VPS13D: variants seen among roughly 807,000 people sequenced by gnomAD.
The protein encoded by VPS13D is vacuolar protein sorting 13 homolog D.
VPS13D carries 187 observed loss-of-function variants against 461.9 expected under a neutral mutation model. The observed-to-expected ratio is 0.40, with a 90% CI of 0.36 to 0.46. The LOEUF is 0.46. VPS13D is among the 20% of genes least tolerant of loss of function. VPS13D has a pLI of 0.60. For synonymous variants in VPS13D, 1,951 were observed against 1,986.3 expected, an observed-to-expected ratio of 0.98 and a Z score of 0.47; for missense variants, 4,711 against 5,364.9, an observed-to-expected ratio of 0.88 and a Z score of 3.81.
intron 9 of VPS13D, 39 bp from the exon 10 acceptor site, chr1:12,257,896 T>G: frequency 6.2e-7 from 1 of 1,609,082 alleles, no homozygotes. Flanking sequence ...TCGTTGCTTT[T>G]GTTGTAAGAA....
chr1:12,343,148 T>G (rs957872822), intron 42 of VPS13D, 97 bp downstream of exon 42: 8 of 908,932 alleles, frequency 8.8e-6, no homozygotes, highest in Non-Finnish European at 1.5e-6. Flanking sequence ...TAAATGATTT[T>G]ATTTTATTTT....
Position 12,369,595 on chromosome 1 carries a change from AG to A in VPS13D, c.10705del (p.Ala3569GlnfsTer10). 6.2e-7 allele frequency: 1 copy of A among 1,614,198 alleles called. No individual in the cohort carries two copies. The highest frequency in any genetic ancestry group is 8.5e-7 in the Non-Finnish European group (1 of 1,180,036). ...CACCTTTTATCACTCTGACTGTTAA[AG>A]GGGCAGGGTCCTCTGAGATCAACTG... ...LPPFITLTVK[G>X]AGSSEINCNM... On this transcript the variant is annotated frameshift_variant, in exon 54 of 70. Transcript: ENST00000620676. LOFTEE classifies it high-confidence loss of function.
At chr1:12,403,396 A>G (rs1422958619) in intron 62 of VPS13D, among the ~76,000 whole-genome samples, 3 of 152,238 alleles carry the variant, frequency 2.0e-5, no homozygotes, top group Admixed American at 2.0e-4. Context: ...TTTCACTCAG[A>G]TTCGTGAATT....
intron 13 of VPS13D, among the ~76,000 whole-genome samples, chr1:12,265,236 C>A (rs1027057981): frequency 3.3e-5 from 5 of 152,196 alleles, no homozygotes; most frequent in Admixed American, 3.3e-4. Flanking sequence ...CCTGCTAACA[C>A]AACATCCATT....
chr1:12,459,830 A>T (rs1216865777), intron 66 of VPS13D, among the ~76,000 whole-genome samples: 1 of 151,478 alleles, frequency 6.6e-6, no homozygotes, highest in Admixed American at 6.6e-5. Flanking sequence ...CCGAAGGCCC[A>T]ATTTTCTAGT....
chr1:12,447,750 A>G (rs1290358545), intron 65 of VPS13D, among the ~76,000 whole-genome samples: 1 of 152,242 alleles, frequency 6.6e-6, no homozygotes, highest in Non-Finnish European at 1.5e-5. Context: ...AAGTGAATAT[A>G]TTTATTCATT....
chr1:12,487,054 T>C (rs925838240), intron 67 of VPS13D, among the ~76,000 whole-genome samples: 1 of 152,114 alleles, frequency 6.6e-6, no homozygotes, highest in Non-Finnish European at 1.5e-5. Context: ...CCTGAGACCC[T>C]CCCAAGAGCC....
chr1:12,358,258 G>A (rs982010725), intron 49 of VPS13D, among the ~76,000 whole-genome samples: 18 of 152,152 alleles, frequency 1.2e-4, no homozygotes, highest in African/African-American at 4.1e-4. Flanking sequence ...ACACACTGTT[G>A]TACTGTGGCT....
chr1:12,346,944 G>T lies in VPS13D; in HGVS notation c.9069+292G>T, dbSNP rs973550453. On this transcript the variant is annotated intron_variant, in intron 44 of 69. Transcript: ENST00000620676. ...TAAGTTAAAATAGAAATGAACCCTG[G>T]TATGACCATATGTGTTTCATAGTTT... Among the ~76,000 whole-genome samples the T allele has an allele frequency of 2.6e-5, 4 of 152,182 alleles. No homozygotes were observed. The South Asian group carries it at 8.3e-4, about 32-fold the overall frequency.
intron 65 of VPS13D, among the ~76,000 whole-genome samples, chr1:12,443,338 A>G (rs1645152716): frequency 6.6e-6 from 1 of 152,248 alleles, no homozygotes; most frequent in South Asian, 2.1e-4. Context: ...GCTGTATAGT[A>G]TTCCATTGCA....
chr1:12,258,000 G>C lies in VPS13D; in HGVS notation c.1007G>C (p.Arg336Pro). ...NLYEIREQRK[R>P]CTWDFMLHRA... is the part of the protein sequence containing the mutation. ...TATGAGATCAGAGAGCAGAGGAAAC[G>C]TTGCACCTGGGACTTTATGTTGCAC... The change falls in exon 10 of 70, where the codon CGT (arginine) becomes CCT (proline). Residue 336 changes from arginine (R) to proline (P), a missense_variant. This residue lies in a region of VPS13D where 4,411 missense variants were observed against 4,937.8 expected (regional missense o/e 0.89). Transcript: ENST00000620676. 6.2e-7 allele frequency: 1 copy of C among 1,614,202 alleles called. No individual in the cohort carries two copies. The highest frequency in any genetic ancestry group is 8.5e-7 in the Non-Finnish European group (1 of 1,180,032).
Position 12,327,708 on chromosome 1 carries a change from C to G in VPS13D, c.8051C>G (p.Ser2684Cys), listed in dbSNP as rs762831471. The G allele has an allele frequency of 1.2e-6, 2 of 1,614,110 alleles. No homozygotes were observed. Among genetic ancestry groups the G allele is most frequent in the Non-Finnish European group, 8.5e-7 (1 of 1,179,990 alleles). The change falls in exon 36 of 70, where the codon TCC becomes TGC. Residue 2684 changes from serine (S) to cysteine (C), a missense_variant. By Grantham distance (112) the Ser-to-Cys change is moderately radical. Around this residue, in one of 3 missense-constraint regions of VPS13D, gnomAD observed 4,411 missense variants for 4,937.8 expected, o/e 0.89. Coordinates refer to ENST00000620676, the MANE Select transcript of VPS13D (RefSeq NM_015378.4). Reference protein sequence around the residue: ...FKNAEPLKSLSLASTSRDSPG... With the variant: ...FKNAEPLKSLCLASTSRDSPG... ...AATGCGGAACCTCTGAAGTCTCTTT[C>G]CTTGGCCTCCACCAGCCGAGATAGC...
chr1:12,354,387 T>C (rs558920805), intron 47 of VPS13D, among the ~76,000 whole-genome samples, 166 bp downstream of exon 47: 1 of 152,226 alleles, frequency 6.6e-6, no homozygotes, highest in East Asian at 1.9e-4. Context: ...AACCTTTAGC[T>C]AGAGGTGGCG....
At position 12,277,271 on chromosome 1, in the gene VPS13D, A is replaced by G. The variant is rs1311119305; in HGVS notation, c.3683A>G (p.Asp1228Gly). 2 of 1,614,124 alleles carry G rather than the reference A, an allele frequency of 1.2e-6. No homozygotes were observed. Among genetic ancestry groups the G allele is most frequent in the East Asian group, 2.2e-5 (1 of 44,900 alleles). ...TTACAGCTTATGGATTTGACACAAG[A>G]TAACGTTAAAAACCAGTATGTTGTC... ...GCLQLMDLTQ[D>G]NVKNQYVVSI... is the part of the protein sequence containing the mutation. Residue 1228 changes from aspartate to glycine, a missense_variant, in exon 19 of 70, where the codon GAT becomes GGT. Physicochemically the swap from Asp to Gly is moderately conservative, Grantham distance 94. Around this residue, in one of 3 missense-constraint regions of VPS13D, gnomAD observed 4,411 missense variants for 4,937.8 expected, o/e 0.89. Transcript: ENST00000620676.
At chr1:12,501,144 A>G (rs890514777) in intron 68 of VPS13D, among the ~76,000 whole-genome samples, 1 of 152,146 alleles carries the variant, frequency 6.6e-6, no homozygotes, top group Non-Finnish European at 1.5e-5. Flanking sequence ...TCTACTTTGT[A>G]AACATGCTGT....
chr1:12,252,616 A>T (rs1640770987), intron 6 of VPS13D, among the ~76,000 whole-genome samples: 1 of 151,952 alleles, frequency 6.6e-6, no homozygotes, highest in Non-Finnish European at 1.5e-5. Flanking sequence ...TATTAAAAAT[A>T]AAAAAATTAG....
In VPS13D at chr1:12,473,837, ATGAACAGT is replaced by A. The variant is rs1645595131; in HGVS notation, c.12662+13447_12662+13454del. On this transcript the variant is annotated intron_variant, in intron 67 of 69. Transcript: ENST00000620676. The surrounding 1 kb of genome is among the most constrained non-coding windows in gnomAD (Gnocchi z 4.2). ...TTCCCATTCTCTTTCTTCACACAAA[ATGAACAGT>A]TGAACTCAGGCCACCAAACCTGGTT... Among the ~76,000 whole-genome samples the A allele has an allele frequency of 6.6e-6, 1 of 152,164 alleles. No individual in the cohort carries two copies. Among genetic ancestry groups the A allele is most frequent in the Non-Finnish European group, 1.5e-5 (1 of 68,030 alleles).
chr1:12,342,735 G>C (rs1408017213), intron 41 of VPS13D, 164 bp from the exon 42 acceptor site: 1 of 664,016 alleles, frequency 1.5e-6, no homozygotes, highest in East Asian at 2.8e-5. Context: ...CACGAAGATA[G>C]CTATAGTTAG....
chr1:12,451,963 T>A (rs1645268494), intron 65 of VPS13D, among the ~76,000 whole-genome samples: 1 of 152,234 alleles, frequency 6.6e-6, no homozygotes, highest in Admixed American at 6.5e-5. Flanking sequence ...TATCCCCATT[T>A]TGAAAAGGAG....
Sources: allele counts gnomAD v4.1 joint callset (sites outside exome capture counted in the v4.1 genomes callset), GRCh38; gene constraint gnomAD v4.1.1; regional missense constraint gnomAD v4.1.1; non-coding constraint Gnocchi (gnomAD v3.1); transcripts MANE v1.5; gene names NCBI Gene and HGNC (gene_info 2026-07-23, HGNC 2026-07-21).